Variants in CHL1 observed in about 807,000 individuals in gnomAD.
CHL1 encodes neural cell adhesion molecule L1-like protein.
A neutral mutation model predicts 141.9 loss-of-function variants in CHL1; 96 were observed. The observed-to-expected ratio is 0.68, with a 90% CI of 0.57 to 0.80. CHL1 has a LOEUF of 0.80. Among genes scored for constraint, CHL1 ranks in the 30% least tolerant of loss-of-function variants. The pLI, the probability that CHL1 is intolerant of heterozygous loss-of-function variation, is 0.00. For synonymous variants in CHL1, 613 were observed against 502.2 expected (o/e 1.22, Z -2.95); for missense variants, 1,820 against 1,457.2 (o/e 1.25, Z -4.05).
At position 242,432 on chromosome 3, in the gene CHL1, T is replaced by C. The variant is rs571699661; in HGVS notation, c.-174-2181T>C. Among the ~76,000 whole-genome samples, 7 of 134,770 alleles carry C rather than the reference T, an allele frequency of 5.2e-5. No individual in the cohort carries two copies. In the East Asian group the frequency reaches 6.8e-4, roughly 13 times the overall value. 88.4% of individuals were successfully genotyped at this position (134,770 alleles called of 152,430 possible). ...TAACACGGTGAAACCCCGTCTCTACTAAAAATACAAAAAATTATCCCGGCG... is the reference window on the plus strand; with the variant it reads ...TAACACGGTGAAACCCCGTCTCTACCAAAAATACAAAAAATTATCCCGGCG... On this transcript the variant is annotated intron_variant, in intron 1 of 27. Coordinates refer to ENST00000256509, the MANE Select transcript of CHL1 (RefSeq NM_006614.4).
At position 389,363 on chromosome 3, in the gene CHL1, C is replaced by A. The variant is rs373637287; in HGVS notation, c.2359C>A (p.Arg787=). Residue 787 remains arginine, a synonymous_variant, in exon 20 of 28, where the codon CGG becomes AGG. Transcript: ENST00000256509. ...AGAAACAGTCACAAACCACACATTG[C>A]GGGTGATGACGCCTGCTGTCTATGC... ...EEETVTNHTL[R]VMTPAVYAPY... 3.7e-6 allele frequency: 6 copies of A among 1,614,022 alleles called. No individual in the cohort carries two copies. The highest frequency in any genetic ancestry group is 2.2e-5 in the South Asian group (2 of 91,090).
At chr3:326,284 T>A (rs1456917555) in intron 4 of CHL1, among the ~76,000 whole-genome samples, 1 of 152,074 alleles carries the variant, frequency 6.6e-6, no homozygotes, top group African/African-American at 2.4e-5. Flanking sequence ...TAAGGGCTGT[T>A]ATTAAAATAC....
chr3:343,522 C>G (rs1052166868), intron 8 of CHL1, among the ~76,000 whole-genome samples: 2 of 152,266 alleles, frequency 1.3e-5, no homozygotes, highest in Middle Eastern at 3.4e-3. Flanking sequence ...CATGTGTCTG[C>G]GTGATCTTTT....
rs41458146 is a variant in CHL1 at position 380,111 on chromosome 3, T to C, written c.1877-2068T>C. Among the ~76,000 whole-genome samples, 601 of 152,326 alleles carry C rather than the reference T, an allele frequency of 3.9e-3. 6 individuals are homozygous for C. The East Asian group carries it at 0.044, about 11-fold the overall frequency. ...AGATGCAATACACAGCCTTAGTTTA[T>C]TCCAGGAAGCTTCAGAAATCAGTGG... On this transcript the variant is annotated intron_variant, in intron 16 of 27. Coordinates refer to ENST00000256509, the MANE Select transcript of CHL1 (RefSeq NM_006614.4).
intron 16 of CHL1, among the ~76,000 whole-genome samples, chr3:379,914 AC>A (rs1350855121): frequency 6.6e-6 from 1 of 152,136 alleles, no homozygotes; most frequent in Non-Finnish European, 1.5e-5. Flanking sequence ...ACTATGTTTT[AC>A]CCCCTGGAAA....
chr3:359,030 A>T (rs1703970678), intron 11 of CHL1, among the ~76,000 whole-genome samples: 1 of 147,908 alleles, frequency 6.8e-6, no homozygotes, highest in Non-Finnish European at 1.5e-5. Context: ...ATATATTTAT[A>T]TCTATATATA....
chr3:241,362 G>A (rs554764907), intron 1 of CHL1, among the ~76,000 whole-genome samples: 38 of 152,140 alleles, frequency 2.5e-4, no homozygotes, highest in African/African-American at 8.9e-4. Context: ...TGATGTAGAG[G>A]GTATGTTGTG....
At chr3:320,574 C>T (rs1700481759) in intron 3 of CHL1, among the ~76,000 whole-genome samples, 1 of 151,910 alleles carries the variant, frequency 6.6e-6, no homozygotes, top group African/African-American at 2.4e-5. Context: ...GTAGTCCCAC[C>T]TATTTAGGAG....
At chr3:201,292 T>A (rs1326882108) in intron 1 of CHL1, among the ~76,000 whole-genome samples, 1 of 152,236 alleles carries the variant, frequency 6.6e-6, no homozygotes, top group Non-Finnish European at 1.5e-5. Flanking sequence ...AGACCATAAC[T>A]AATTGAGATT....
At chr3:323,383 G>A (rs1041186677) in intron 3 of CHL1, among the ~76,000 whole-genome samples, 2 of 152,046 alleles carry the variant, frequency 1.3e-5, no homozygotes, top group African/African-American at 2.4e-5. Flanking sequence ...ATAATGAAAT[G>A]CATCAATGTT....
Position 377,895 on chromosome 3 carries a change from A to C in CHL1, c.1829A>C (p.His610Pro), listed in dbSNP as rs748576243. 19 of 1,613,484 alleles carry C rather than the reference A, an allele frequency of 1.2e-5. No individual in the cohort carries two copies. The highest frequency in any genetic ancestry group is 1.6e-5 in the Non-Finnish European group (19 of 1,179,576). ...CAAGGTATTTACTGCTGTTCAGCTC[A>C]TACTGCTCTAGACAGTGCTGCCGAT... ...EDQGIYCCSA[H>P]TALDSAADIT... Residue 610 changes from histidine (H) to proline (P), a missense_variant, in exon 16 of 28, where the codon CAT becomes CCT. Transcript: ENST00000256509.
At chr3:320,797 T>G (rs1700503278) in intron 3 of CHL1, among the ~76,000 whole-genome samples, 1 of 152,086 alleles carries the variant, frequency 6.6e-6, no homozygotes. Flanking sequence ...TTGTATTACA[T>G]GCATATGGGT....
At chr3:234,252 A>G (rs569394240) in intron 1 of CHL1, among the ~76,000 whole-genome samples, 1 of 151,554 alleles carries the variant, frequency 6.6e-6, no homozygotes, top group African/African-American at 2.4e-5. Context: ...TATTTTACCA[A>G]ATATCTAGAG....
At chr3:251,613 A>T (rs1458642819) in intron 2 of CHL1, among the ~76,000 whole-genome samples, 1 of 152,152 alleles carries the variant, frequency 6.6e-6, no homozygotes, top group Non-Finnish European at 1.5e-5. Flanking sequence ...TTTCAGCTCT[A>T]CATTTCCATG....
intron 24 of CHL1, among the ~76,000 whole-genome samples, chr3:396,359 G>A (rs1708664980): frequency 6.6e-6 from 1 of 152,112 alleles, no homozygotes; most frequent in East Asian, 1.9e-4. Context: ...CAGAATTTAA[G>A]GCATGGAGTT....
chr3:219,087 T>C (rs1700589700), intron 1 of CHL1, among the ~76,000 whole-genome samples: 1 of 151,748 alleles, frequency 6.6e-6, no homozygotes, highest in Admixed American at 6.6e-5. Context: ...AGGTGGAGCT[T>C]GCAGTGAGCC....
intron 3 of CHL1, among the ~76,000 whole-genome samples, chr3:322,761 T>A (rs1465000060): frequency 1.3e-5 from 2 of 149,502 alleles, no homozygotes; most frequent in Non-Finnish European, 3.0e-5. Context: ...GTAGGATCAT[T>A]TGAGCCCAGG....
At chr3:393,736 A>G (rs998311584) in intron 23 of CHL1, among the ~76,000 whole-genome samples, 1 of 152,086 alleles carries the variant, frequency 6.6e-6, no homozygotes, top group Non-Finnish European at 1.5e-5. Flanking sequence ...TCGTTTTTCA[A>G]TTGACTTTGT....
intron 2 of CHL1, among the ~76,000 whole-genome samples, chr3:245,509 A>G (rs1371977732): frequency 6.6e-6 from 1 of 152,194 alleles, no homozygotes; most frequent in Non-Finnish European, 1.5e-5. Flanking sequence ...TTTAAAGACA[A>G]AATAATTGGA....
Sources: allele counts gnomAD v4.1 joint callset (sites outside exome capture counted in the v4.1 genomes callset), GRCh38; gene constraint gnomAD v4.1.1; transcripts MANE v1.5; gene names NCBI Gene and HGNC (gene_info 2026-07-23, HGNC 2026-07-21).